LRRC7: variants seen among roughly 807,000 people sequenced by gnomAD.
LRRC7 encodes the protein leucine-rich repeat-containing protein 7.
A neutral mutation model predicts 175.7 loss-of-function variants in LRRC7; 23 were observed. The observed-to-expected ratio is 0.13, with a 90% CI of 0.09 to 0.19. The LOEUF is 0.19. LRRC7 is among the 10% of genes least tolerant of loss of function. The pLI, the probability that LRRC7 is intolerant of heterozygous loss-of-function variation, is 1.00. For missense variants in LRRC7, 1,354 were observed against 1,904.7 expected (o/e 0.71, Z 5.38); for synonymous variants, 685 against 680.9 (o/e 1.01, Z -0.09).
At chr1:69,637,536 T>C (rs899272256) in intron 1 of LRRC7, among the ~76,000 whole-genome samples, 1 of 151,902 alleles carries the variant, frequency 6.6e-6, no homozygotes, top group Admixed American at 6.6e-5. Context: ...TCTTACCAGT[T>C]CTATTTCTAC....
At chr1:69,605,397 G>A (rs1749508) in intron 1 of LRRC7, among the ~76,000 whole-genome samples, 22,988 of 152,128 alleles carry the variant, frequency 0.15, 1,922 homozygotes, top group Admixed American at 0.19. Context: ...CATGAGAGCA[G>A]ACTAATAGAG....
chr1:70,021,389 AGT>A, intron 16 of LRRC7: 1 of 266,446 alleles, frequency 3.8e-6, no homozygotes, highest in African/African-American at 2.3e-5. Flanking sequence ...GCTGAGGGAA[AGT>A]AGAAAAAAAA....
chr1:69,812,034 C>T (rs941890883), intron 4 of LRRC7, among the ~76,000 whole-genome samples: 5 of 152,002 alleles, frequency 3.3e-5, no homozygotes, highest in African/African-American at 9.7e-5. Context: ...CTCAAAAAAG[C>T]CAGAAAGTTT....
chr1:69,869,190 A>G (rs1685260612), intron 7 of LRRC7, among the ~76,000 whole-genome samples: 1 of 152,096 alleles, frequency 6.6e-6, no homozygotes, highest in Non-Finnish European at 1.5e-5. Context: ...TCAATAGGTT[A>G]TTGTAATAAT....
intron 7 of LRRC7, among the ~76,000 whole-genome samples, chr1:69,921,523 C>T (rs1646888438): frequency 6.6e-6 from 1 of 152,170 alleles, no homozygotes; most frequent in South Asian, 2.1e-4. Flanking sequence ...CTCTCCTTTA[C>T]ATCTGACATC....
At chr1:69,814,903 G>A (rs1487707851) in intron 4 of LRRC7, among the ~76,000 whole-genome samples, 4 of 151,992 alleles carry the variant, frequency 2.6e-5, no homozygotes, top group African/African-American at 9.7e-5. Flanking sequence ...GCCACATTTT[G>A]TTTTTCCTGA....
chr1:70,089,458 T>C (rs1288568288), intron 24 of LRRC7, among the ~76,000 whole-genome samples: 2 of 152,198 alleles, frequency 1.3e-5, no homozygotes, highest in Non-Finnish European at 2.9e-5. Flanking sequence ...AAATGGCTAA[T>C]CAAAATTTAG....
At chr1:69,703,810 G>T (rs1663683039) in intron 2 of LRRC7, among the ~76,000 whole-genome samples, 1 of 151,858 alleles carries the variant, frequency 6.6e-6, no homozygotes, top group Non-Finnish European at 1.5e-5. Flanking sequence ...CCTAGTTAAA[G>T]AATATCAACA....
intron 11 of LRRC7, among the ~76,000 whole-genome samples, chr1:70,010,844 C>CATCT: frequency 6.6e-6 from 1 of 152,130 alleles, no homozygotes; most frequent in African/African-American, 2.4e-5. Flanking sequence ...TTTCAATGTA[C>CATCT]ATCTATACAA....
chr1:70,011,657 T>C, intron 11 of LRRC7, 140 bp from the exon 12 acceptor site: 1 of 561,350 alleles, frequency 1.8e-6, no homozygotes, highest in South Asian at 2.5e-5. Flanking sequence ...TATTAAATCA[T>C]TTGAACTGGT....
intron 7 of LRRC7, chr1:69,919,608 A>G (rs534355222): frequency 2.4e-6 from 2 of 827,598 alleles, no homozygotes; most frequent in Admixed American, 3.6e-5. Flanking sequence ...GAGGCCCTGG[A>G]GCTGATCAGC....
chr1:69,982,804 C>G (rs1443685617), intron 9 of LRRC7, among the ~76,000 whole-genome samples: 1 of 152,166 alleles, frequency 6.6e-6, no homozygotes, highest in Non-Finnish European at 1.5e-5. Flanking sequence ...CCTATAGACC[C>G]CTCTATGCCC....
chr1:69,927,993 A>T (rs560028910), intron 7 of LRRC7, among the ~76,000 whole-genome samples: 27 of 152,010 alleles, frequency 1.8e-4, no homozygotes, highest in African/African-American at 5.3e-4. Context: ...TTTGCTGTGG[A>T]TATTTTTTCT....
At chr1:70,103,122 A>G (rs537171773) in intron 25 of LRRC7, among the ~76,000 whole-genome samples, 1 of 151,974 alleles carries the variant, frequency 6.6e-6, no homozygotes, top group Non-Finnish European at 1.5e-5. Flanking sequence ...ACAGCTACGC[A>G]GGAGGCTGAG....
chr1:69,664,774 T>C (rs1473421351), intron 1 of LRRC7, among the ~76,000 whole-genome samples: 1 of 152,220 alleles, frequency 6.6e-6, no homozygotes, highest in East Asian at 1.9e-4. Context: ...CTTTGTTGAT[T>C]GTATCCTTTG....
chr1:69,788,517 G>A (rs1364553233), intron 3 of LRRC7, among the ~76,000 whole-genome samples: 1 of 152,170 alleles, frequency 6.6e-6, no homozygotes, highest in Non-Finnish European at 1.5e-5. Context: ...GCGTATAGAT[G>A]TTGTAGACTC....
At chr1:69,857,461 A>G (rs1221439287) in intron 7 of LRRC7, among the ~76,000 whole-genome samples, 1 of 152,114 alleles carries the variant, frequency 6.6e-6, no homozygotes, top group Non-Finnish European at 1.5e-5. Context: ...ACATTCTTAT[A>G]CACCAATAAC....
At chr1:69,678,222 A>G (rs1172154902) in intron 1 of LRRC7, among the ~76,000 whole-genome samples, 159 bp from the exon 2 acceptor site, 5 of 151,976 alleles carry the variant, frequency 3.3e-5, no homozygotes, top group Non-Finnish European at 7.4e-5. Context: ...TCAATTTACT[A>G]TGGTCCCCGA....
At chr1:70,115,166 G>GA (rs1336492548) in intron 26 of LRRC7, among the ~76,000 whole-genome samples, 2 of 152,054 alleles carry the variant, frequency 1.3e-5, no homozygotes, top group African/African-American at 2.4e-5. Context: ...GTTTTTAAAG[G>GA]AAAAAATAAG....
Sources: allele counts gnomAD v4.1 joint callset (sites outside exome capture counted in the v4.1 genomes callset), GRCh38; gene constraint gnomAD v4.1.1; transcripts MANE v1.5; gene names NCBI Gene and HGNC (gene_info 2026-07-23, HGNC 2026-07-21).